UBTD2: variants seen among roughly 807,000 people sequenced by gnomAD.
UBTD2 encodes the protein ubiquitin domain containing 2, also known as ubiquitin domain-containing protein 2.
In UBTD2, 9 loss-of-function variants were observed where a neutral mutation model predicts 19.8. The observed-to-expected ratio is 0.46, with a 90% CI of 0.27 to 0.79. The LOEUF (loss-of-function observed/expected upper bound fraction) is 0.79, where lower values mean the gene tolerates loss of function less well. Ranked by LOEUF, UBTD2 falls within the 30% of genes least tolerant of loss-of-function variation. UBTD2 has a pLI of 0.14. For missense variants in UBTD2, 250 were observed against 300.4 expected (o/e 0.83, Z 1.24); for synonymous variants, 98 against 103.9 (o/e 0.94, Z 0.35).
At chr5:172,232,904 G>A (rs1771931893) in intron 2 of UBTD2, among the ~76,000 whole-genome samples, 1 of 151,950 alleles carries the variant, frequency 6.6e-6, no homozygotes, top group South Asian at 2.1e-4. Context: ...GACTTTGGGA[G>A]GCTGAGGCGG....
At chr5:172,280,509 C>CAAAAAA (rs376156166) in intron 1 of UBTD2, among the ~76,000 whole-genome samples, 1 of 95,006 alleles carries the variant, frequency 1.1e-5, no homozygotes, top group Admixed American at 1.1e-4. Flanking sequence ...GACTCCATCT[C>CAAAAAA]AAAAAAAAAA....
intron 1 of UBTD2, among the ~76,000 whole-genome samples, chr5:172,264,164 G>C (rs150022181): frequency 5.9e-5 from 9 of 151,840 alleles, no homozygotes; most frequent in Admixed American, 3.3e-4. Context: ...CTGCAGCCTC[G>C]ACAAGTATTC....
At chr5:172,283,994 C>T (rs960268213), upstream of UBTD2, 1 of 148,910 alleles carries the variant, frequency 6.7e-6, no homozygotes, top group Non-Finnish European at 1.5e-5. This position sits in a 1 kb window ranked among gnomAD's most constrained non-coding sequence, Gnocchi z 4.3. Context: ...CTCACAGCCC[C>T]GCACACCCGA....
chr5:172,244,295 G>GTTTGTTTTTTTTTTTTTTTTTT (rs1214308760), intron 1 of UBTD2, among the ~76,000 whole-genome samples: 1 of 126,076 alleles, frequency 7.9e-6, no homozygotes, highest in South Asian at 2.6e-4. Flanking sequence ...TTTCCTCCCA[G>GTTTGTTTTTTTTTTTTTTTTTT]TTTTTTTTTT....
intron 1 of UBTD2, among the ~76,000 whole-genome samples, chr5:172,281,938 C>T (rs541699668): frequency 6.6e-6 from 1 of 152,262 alleles, no homozygotes; most frequent in East Asian, 1.9e-4. Flanking sequence ...TAACTGGATA[C>T]CACCGGTAAT....
chr5:172,268,974 C>T (rs1238204843), intron 1 of UBTD2, among the ~76,000 whole-genome samples: 4 of 151,848 alleles, frequency 2.6e-5, no homozygotes, highest in East Asian at 1.9e-4. Context: ...ACTGTGGTTA[C>T]GTAGGAGAAC....
intron 2 of UBTD2, among the ~76,000 whole-genome samples, chr5:172,230,937 C>T (rs1329152954): frequency 6.6e-6 from 1 of 152,082 alleles, no homozygotes; most frequent in East Asian, 1.9e-4. Flanking sequence ...GCGCCTGCCA[C>T]AAGGCCTGGC....
At chr5:172,254,151 G>A (rs891268001) in intron 1 of UBTD2, among the ~76,000 whole-genome samples, 1 of 152,152 alleles carries the variant, frequency 6.6e-6, no homozygotes, top group African/African-American at 2.4e-5. Context: ...CCAGGCTGGA[G>A]TGCAGTGGTG....
At position 172,253,072 on chromosome 5, in the gene UBTD2, C is replaced by A. The variant is rs186707899; in HGVS notation, c.71-18714G>T. On this transcript the variant is annotated intron_variant, in intron 1 of 2. Transcript: ENST00000393792. ...TGAGATAAGGTCTCATTCCATCACC[C>A]AGGCTGGAGTGTAGTGGCACCACCA... is the stretch of plus-strand genomic sequence containing the variant. 4.5e-4 allele frequency among the ~76,000 whole-genome samples: 69 copies of A among 152,240 alleles called. No individual in the cohort carries two copies. In the Middle Eastern group the frequency reaches 0.024, roughly 53 times the overall value.
At chr5:172,265,927 G>GTTTTTTTT (rs200089104) in intron 1 of UBTD2, among the ~76,000 whole-genome samples, 1 of 146,192 alleles carries the variant, frequency 6.8e-6, no homozygotes. Flanking sequence ...ACCACCCATT[G>GTTTTTTTT]TTTTTTTTTT....
At chr5:172,217,197 AG>A (rs1289915315) in intron 2 of UBTD2, among the ~76,000 whole-genome samples, 1 of 151,830 alleles carries the variant, frequency 6.6e-6, no homozygotes, top group African/African-American at 2.4e-5. Flanking sequence ...GGATCACCTG[AG>A]GTCAGGAGTT....
chr5:172,266,076 G>A (rs1755372450), intron 1 of UBTD2, among the ~76,000 whole-genome samples: 1 of 151,988 alleles, frequency 6.6e-6, no homozygotes, highest in Admixed American at 6.6e-5. Flanking sequence ...TGGGATTACA[G>A]GTGTGTGCCA....
chr5:172,229,746 TAC>T (rs937661947), intron 2 of UBTD2, among the ~76,000 whole-genome samples: 6 of 152,150 alleles, frequency 3.9e-5, no homozygotes, highest in African/African-American at 1.4e-4. Flanking sequence ...CTTTACAAGA[TAC>T]AGTTTCTGAA....
chr5:172,276,652 A>G (rs966166406), intron 1 of UBTD2, among the ~76,000 whole-genome samples: 19 of 151,910 alleles, frequency 1.3e-4, no homozygotes, highest in African/African-American at 4.4e-4. Flanking sequence ...TATGTTCCTT[A>G]GGACAGATGG....
intron 1 of UBTD2, among the ~76,000 whole-genome samples, chr5:172,258,571 C>G (rs145980526): frequency 6.6e-6 from 1 of 152,214 alleles, no homozygotes; most frequent in African/African-American, 2.4e-5. Flanking sequence ...GGCTGTATGC[C>G]CATCTTAACA....
At chr5:172,256,822 G>A (rs1033891917) in intron 1 of UBTD2, among the ~76,000 whole-genome samples, 6 of 152,200 alleles carry the variant, frequency 3.9e-5, no homozygotes, top group Non-Finnish European at 7.4e-5. Flanking sequence ...TTGGGAGGCT[G>A]AGGCAGGAGA....
At chr5:172,230,924 T>C (rs569483686) in intron 2 of UBTD2, among the ~76,000 whole-genome samples, 30 of 152,102 alleles carry the variant, frequency 2.0e-4, no homozygotes, top group African/African-American at 6.7e-4. Flanking sequence ...GCTGGGACTA[T>C]AGGCGCCTGC....
At chr5:172,221,996 T>A (rs1441922047) in intron 2 of UBTD2, among the ~76,000 whole-genome samples, 1 of 152,216 alleles carries the variant, frequency 6.6e-6, no homozygotes, top group Admixed American at 6.5e-5. Flanking sequence ...TTAATTTTGC[T>A]GTGAACTTAA....
chr5:172,277,648 G>A (rs549040319), intron 1 of UBTD2, among the ~76,000 whole-genome samples: 2 of 152,152 alleles, frequency 1.3e-5, no homozygotes, highest in African/African-American at 4.8e-5. Flanking sequence ...AGAGGCTGCA[G>A]TAGGCCATGA....
Sources: gnomAD v4.1 joint callset for allele counts (sites outside exome capture counted in the v4.1 genomes callset) on GRCh38, gnomAD v4.1.1 for gene constraint, Gnocchi (gnomAD v3.1) non-coding constraint, MANE v1.5 for transcripts, NCBI Gene and HGNC (gene_info 2026-07-23, HGNC 2026-07-21) for gene names.